The following MEGF8 variants were observed in gnomAD, a reference collection of about 807,000 sequenced individuals.
MEGF8 encodes multiple EGF like domains 8.
A neutral mutation model predicts 302.9 loss-of-function variants in MEGF8; 156 were observed. The ratio of observed to expected loss-of-function variants is 0.52; its 90% CI spans 0.45 to 0.59. MEGF8 has a LOEUF of 0.59. Ranked by LOEUF, MEGF8 falls within the 20% of genes least tolerant of loss-of-function variation. The pLI is 0.00. For synonymous variants in MEGF8, 1,621 were observed against 1,660.5 expected (o/e 0.98, Z 0.58); for missense variants, 3,345 against 3,964.5 (o/e 0.84, Z 4.20).
rs750075057 is a variant in MEGF8, at chr19:42,343,913, CGTCCCCTTGCCTCCCCCTCT to C, written c.1669-25_1669-6del. The C allele has an allele frequency of 8.1e-5, 130 of 1,599,428 alleles. No homozygotes were observed. In the African/African-American group the frequency reaches 1.6e-3, roughly 20 times the overall value. ...CCCAGGTCTGAGAGGCCTCCTCCTC[CGTCCCCTTGCCTCCCCCTCT>C]GTCCCCTTGCCTCCCTGCAGTACCA... On this transcript the variant is annotated intron_variant, in intron 9 of 41. Coordinates refer to ENST00000251268, the MANE Select transcript of MEGF8 (RefSeq NM_001271938.2).
chr19:42,332,306 A>G (rs185347465), intron 1 of MEGF8, among the ~76,000 whole-genome samples: 37 of 152,182 alleles, frequency 2.4e-4, no homozygotes, highest in Admixed American at 2.1e-3. Context: ...GTCAGCTGGA[A>G]GCTCAGTTGG....
Position 42,375,287 on chromosome 19 carries a change from G to A in MEGF8, c.7270-220G>A, listed in dbSNP as rs561457338. On this transcript the variant is annotated intron_variant, in intron 41 of 41. Transcript: ENST00000251268. The surrounding 1 kb of genome is among the most constrained non-coding windows in gnomAD (Gnocchi z 7.1). ...ATCAGGGTGCTCAGGTCACTAGGGT[G>A]GCACCAGGGGCAGCAGTGCTGGAGT... 7.2e-5 allele frequency among the ~76,000 whole-genome samples: 11 copies of A among 152,326 alleles called. No individual in the cohort carries two copies. Among genetic ancestry groups the A allele is most frequent in the Non-Finnish European group, 1.5e-4 (10 of 68,016 alleles).
At position 42,357,525 on chromosome 19, in the gene MEGF8, A is replaced by G. The variant is rs2039469686; in HGVS notation, c.4952A>G (p.Glu1651Gly). 1 of 1,613,396 alleles carries G rather than the reference A, an allele frequency of 6.2e-7. No individual in the cohort carries two copies. Among genetic ancestry groups the G allele is most frequent in the Admixed American group, 1.7e-5 (1 of 59,978 alleles). Residue 1651 changes from glutamate (E) to glycine (G), a missense_variant, in exon 28 of 42, where the codon GAG becomes GGG. Glu to Gly is a moderately conservative substitution (Grantham distance 98). Coordinates refer to ENST00000251268, the MANE Select transcript of MEGF8 (RefSeq NM_001271938.2). The surrounding 1 kb of genome is among the most constrained non-coding windows in gnomAD (Gnocchi z 5.2). ...AATGGCTTCAACCAGCAGCTGCTGG[A>G]GTACCAGCTGGCAACCGGCACCTGG... is the stretch of plus-strand genomic sequence containing the variant. ...PENGFNQQLL[E>G]YQLATGTWVS...
In MEGF8 at chr19:42,375,863, G is replaced by GC; in HGVS notation, c.7630dup (p.Arg2544ProfsTer104). 6.2e-7 allele frequency: 1 copy of GC among 1,607,272 alleles called. No homozygotes were observed. Among genetic ancestry groups the GC allele is most frequent in the Non-Finnish European group, 8.5e-7 (1 of 1,177,218 alleles). On this transcript the variant is annotated frameshift_variant, in exon 42 of 42. Transcript: ENST00000251268. LOFTEE classifies it high-confidence loss of function. The surrounding 1 kb of genome is among the most constrained non-coding windows in gnomAD (Gnocchi z 7.1). ...CTCCACCACCCCCTGCAGATGGTGG[G>GC]CCCCGGGGGGCTGGGGATCCAGGAG...
At chr19:42,360,531 G>A (rs1252844745) in intron 31 of MEGF8, among the ~76,000 whole-genome samples, 1 of 151,974 alleles carries the variant, frequency 6.6e-6, no homozygotes, top group East Asian at 1.9e-4. Flanking sequence ...TGTTTGTAGA[G>A]ACGGGGTCTT....
At position 42,356,123 on chromosome 19, in the gene MEGF8, C is replaced by T; in HGVS notation, c.4433C>T (p.Pro1478Leu). The stretch of plus-strand genomic sequence containing the variant: ...ATCTGTGCCGAGGGCTTCGGGGGCC[C>T]CGACTGCGCCACCAAGCTGGATGGC... ...VCICAEGFGG[P>L]DCATKLDGGQ... The change falls in exon 25 of 42, where the codon CCC (proline) becomes CTC (leucine). Residue 1478 changes from proline to leucine, a missense_variant. Pro to Leu is a moderately conservative substitution (Grantham distance 98). Coordinates refer to ENST00000251268, the MANE Select transcript of MEGF8 (RefSeq NM_001271938.2). This position sits in a 1 kb window ranked among gnomAD's most constrained non-coding sequence, Gnocchi z 5.2. 6.3e-7 allele frequency: 1 copy of T among 1,583,376 alleles called. No individual in the cohort carries two copies. Among genetic ancestry groups the T allele is most frequent in the Non-Finnish European group, 8.6e-7 (1 of 1,163,626 alleles).
Position 42,353,015 on chromosome 19 carries a change from C to T in MEGF8, c.3438C>T (p.Pro1146=). 2 of 1,564,088 alleles carry T rather than the reference C, an allele frequency of 1.3e-6. No individual in the cohort carries two copies. Among genetic ancestry groups the T allele is most frequent in the Non-Finnish European group, 1.7e-6 (2 of 1,154,504 alleles). The change falls in exon 20 of 42, where the codon CCC becomes CCT. Residue 1146 remains proline, a synonymous_variant. Coordinates refer to ENST00000251268, the MANE Select transcript of MEGF8 (RefSeq NM_001271938.2). The surrounding 1 kb of genome is among the most constrained non-coding windows in gnomAD (Gnocchi z 6.1). ...VCDLGWTSDL[P]PPTPAPGPPA... Reference sequence around the variant, plus strand: ...ACCTAGGCTGGACATCAGACCTGCCCCCTCCCACACCCGCCCCGGGTCCGC... The same window carrying T: ...ACCTAGGCTGGACATCAGACCTGCCTCCTCCCACACCCGCCCCGGGTCCGC...
chr19:42,332,107 C>G (rs1405574165), intron 1 of MEGF8, among the ~76,000 whole-genome samples: 1 of 152,274 alleles, frequency 6.6e-6, no homozygotes, highest in East Asian at 1.9e-4. Context: ...TCCACCTGCC[C>G]TGGCCTCTCA....
At chr19:42,337,758 G>A (rs955403670) in intron 8 of MEGF8, among the ~76,000 whole-genome samples, 4 of 151,570 alleles carry the variant, frequency 2.6e-5, no homozygotes, top group Non-Finnish European at 4.4e-5. Flanking sequence ...TGCCCGCCTC[G>A]GCCTCCCAAA....
chr19:42,371,894 G>A (rs1267184167), intron 41 of MEGF8, among the ~76,000 whole-genome samples: 1 of 152,016 alleles, frequency 6.6e-6, no homozygotes, highest in East Asian at 1.9e-4. Context: ...ACCAGCCTGG[G>A]CCATATAGTG....
Position 42,368,178 on chromosome 19 carries a change from A to G in MEGF8, c.6274-277A>G, listed in dbSNP as rs1030405281. ...AGTGATCCTCCCACTGTAGCCTCCCAAAGTATTGGGATTACAGGTGTGAGC... is the reference window on the plus strand; with the variant it reads ...AGTGATCCTCCCACTGTAGCCTCCCGAAGTATTGGGATTACAGGTGTGAGC... On this transcript the variant is annotated intron_variant, in intron 35 of 41. Transcript: ENST00000251268. The surrounding 1 kb of genome is among the most constrained non-coding windows in gnomAD (Gnocchi z 4.9). 2.0e-5 allele frequency among the ~76,000 whole-genome samples: 3 copies of G among 152,106 alleles called. No homozygotes were observed. The highest frequency in any genetic ancestry group is 4.4e-5 in the Non-Finnish European group (3 of 68,014).
chr19:42,358,304 A>T lies in MEGF8; in HGVS notation c.5172A>T (p.Ala1724=). The change falls in exon 29 of 42, where the codon GCA becomes GCT. Residue 1724 remains alanine (A), a synonymous_variant. Coordinates refer to ENST00000251268, the MANE Select transcript of MEGF8 (RefSeq NM_001271938.2). The surrounding 1 kb of genome is among the most constrained non-coding windows in gnomAD (Gnocchi z 4.4). ...GTCTGCTGGCCCCTTCTCAGGGGGC[A>T]AAGGTCAGGAAAAGAGGCTCAGACC... ...TWSLLAPSQG[A]KRDRMRNVRG... is the part of the protein sequence containing the mutation. 1 of 1,600,026 alleles carries T rather than the reference A, an allele frequency of 6.2e-7. No individual in the cohort carries two copies. Among genetic ancestry groups the T allele is most frequent in the Non-Finnish European group, 8.5e-7 (1 of 1,173,666 alleles).
intron 8 of MEGF8, 76 bp from the exon 9 acceptor site, chr19:42,343,401 C>A (rs2039241916): frequency 6.7e-7 from 1 of 1,481,750 alleles, no homozygotes; most frequent in Middle Eastern, 1.9e-4. Context: ...GGCTGTGGCC[C>A]AGGAGAATCA....
Position 42,353,883 on chromosome 19 carries a change from C to A in MEGF8, c.3870C>A (p.Gly1290=). 3.8e-6 allele frequency: 6 copies of A among 1,597,234 alleles called. No homozygotes were observed. The highest frequency in any genetic ancestry group is 5.1e-6 in the Non-Finnish European group (6 of 1,172,112). ...RRVGGLLPPG[G]GAARAGPGLS... is the part of the protein sequence containing the mutation. ...TCGGGGGGCTGCTGCCTCCAGGTGG[C>A]GGGGCTGCAAGAGCCGGGCCTGGCC... The change falls in exon 22 of 42, where the codon GGC becomes GGA. Residue 1290 remains glycine, a synonymous_variant. Coordinates refer to ENST00000251268, the MANE Select transcript of MEGF8 (RefSeq NM_001271938.2). The surrounding 1 kb of genome is among the most constrained non-coding windows in gnomAD (Gnocchi z 6.1).
Position 42,344,373 on chromosome 19 carries a change from C to T in MEGF8, c.1789-68C>T, listed in dbSNP as rs2039257763. On this transcript the variant is annotated intron_variant, in intron 10 of 41. Coordinates refer to ENST00000251268, the MANE Select transcript of MEGF8 (RefSeq NM_001271938.2). This position sits in a 1 kb window ranked among gnomAD's most constrained non-coding sequence, Gnocchi z 4.5. ...TTTCCATCGCAGGACCCTGTATCCA[C>T]AGCCCTTCCTTCCCAGATCTCTTGA... The T allele has an allele frequency of 2.0e-6, 3 of 1,514,236 alleles. No individual in the cohort carries two copies. The highest frequency in any genetic ancestry group is 2.3e-5 in the East Asian group (1 of 43,946). 93.8% of individuals were successfully genotyped at this position (1,514,236 alleles called of 1,614,324 possible).
rs954272475 is a variant in MEGF8 at position 42,336,271 on chromosome 19, C to G, written c.1169C>G (p.Thr390Ser). Reference sequence around the variant, plus strand: ...GCAGGCGGACGGCCCCCTGCTGCCACTGGCCACTCCATGGTGTTCCATGCC... The same window carrying G: ...GCAGGCGGACGGCCCCCTGCTGCCAGTGGCCACTCCATGGTGTTCCATGCC... ...IPAGGRPPAA[T>S]GHSMVFHAPS... Residue 390 changes from threonine to serine, a missense_variant, in exon 6 of 42, where the codon ACT (threonine) becomes AGT (serine). Physicochemically the swap from Thr to Ser is moderately conservative, Grantham distance 58 (BLOSUM62 1). Coordinates refer to ENST00000251268, the MANE Select transcript of MEGF8 (RefSeq NM_001271938.2). This position sits in a 1 kb window ranked among gnomAD's most constrained non-coding sequence, Gnocchi z 4.8. The G allele has an allele frequency of 3.7e-6, 6 of 1,607,940 alleles. No individual in the cohort carries two copies. Among genetic ancestry groups the G allele is most frequent in the Non-Finnish European group, 4.2e-6 (5 of 1,179,822 alleles).
At chr19:42,346,497 C>T (rs538744594) in intron 12 of MEGF8, among the ~76,000 whole-genome samples, 5 of 151,948 alleles carry the variant, frequency 3.3e-5, no homozygotes, top group African/African-American at 9.7e-5. Context: ...GCCAACATTA[C>T]GAAATCCCAT....
chr19:42,357,021 T>TG lies in MEGF8; in HGVS notation c.4830+43dup. 6.6e-7 allele frequency: 1 copy of TG among 1,523,884 alleles called. No homozygotes were observed. Among genetic ancestry groups the TG allele is most frequent in the Non-Finnish European group, 8.8e-7 (1 of 1,130,488 alleles). The allele number at this position is 1,523,884 out of a possible 1,614,324, so 94.4% of individuals were successfully genotyped here. A position where few individuals can be genotyped will look rare whatever the true frequency, so the allele number is the denominator to read the frequency against. ...CCAGCCCACTCCCCAGCCCTCACAC[T>TG]GGGCCCTGACAGAGACAGCTGTGGT... On this transcript the variant is annotated intron_variant, in intron 27 of 41. Coordinates refer to ENST00000251268, the MANE Select transcript of MEGF8 (RefSeq NM_001271938.2). This position sits in a 1 kb window ranked among gnomAD's most constrained non-coding sequence, Gnocchi z 5.2.
rs1021856022 is a variant in MEGF8 at position 42,354,948 on chromosome 19, C to A, written c.4144+228C>A. Reference sequence around the variant, plus strand: ...GGCTGAATGAGACATGTCTCTGGGGCATATAGAATGTGGTTGGTGTGAGGA... The same window carrying A: ...GGCTGAATGAGACATGTCTCTGGGGAATATAGAATGTGGTTGGTGTGAGGA... On this transcript the variant is annotated intron_variant, in intron 23 of 41. Transcript: ENST00000251268. The surrounding 1 kb of genome is among the most constrained non-coding windows in gnomAD (Gnocchi z 4.3). 6.6e-6 allele frequency among the ~76,000 whole-genome samples: 1 copy of A among 152,136 alleles called. No homozygotes were observed. The highest frequency in any genetic ancestry group is 1.5e-5 in the Non-Finnish European group (1 of 68,028).
Sources: gnomAD v4.1 joint callset for allele counts (sites outside exome capture counted in the v4.1 genomes callset) on GRCh38, gnomAD v4.1.1 for gene constraint, Gnocchi (gnomAD v3.1) non-coding constraint, MANE v1.5 for transcripts, NCBI Gene and HGNC (gene_info 2026-07-23, HGNC 2026-07-21) for gene names.